The following MMUT variants were observed in gnomAD, a reference collection of about 807,000 sequenced individuals.
MMUT encodes the protein methylmalonyl-CoA mutase, mitochondrial.
MMUT carries 79 observed loss-of-function variants against 79.9 expected under a neutral mutation model. The ratio of observed to expected loss-of-function variants is 0.99; its 90% CI spans 0.82 to 1.19. The LOEUF (loss-of-function observed/expected upper bound fraction) is 1.19. Among genes scored for constraint, MMUT ranks in the 50% most tolerant of loss-of-function variants. The probability of loss-of-function intolerance (pLI) is 0.00; values close to 1 mark genes in which losing one functional copy is unlikely to be tolerated. For missense variants in MMUT, 860 were observed against 917.2 expected, an observed-to-expected ratio of 0.94 and a Z score of 0.81; for synonymous variants, 273 against 295.7, an observed-to-expected ratio of 0.92 and a Z score of 0.79.
intron 12 of MMUT, 43 bp from the exon 13 acceptor site, chr6:49,431,899 A>C (rs979290163): frequency 1.3e-6 from 2 of 1,591,742 alleles, no homozygotes; most frequent in Non-Finnish European, 1.7e-6. Flanking sequence ...CACTATTTCC[A>C]TTTTCACGGA....
At chr6:49,449,030 T>C in intron 6 of MMUT, 103 bp from the exon 7 acceptor site, 1 of 593,198 alleles carries the variant, frequency 1.7e-6, no homozygotes, top group African/African-American at 1.9e-5. Context: ...ATTAATAAAA[T>C]TATAAACTAA....
Position 49,451,563 on chromosome 6 carries a change from A to G in MMUT, c.1235T>C (p.Ile412Thr), listed in dbSNP as rs1767553561. 3 of 1,614,146 alleles carry G rather than the reference A, an allele frequency of 1.9e-6. No individual in the cohort carries two copies. In the East Asian group the frequency reaches 6.7e-5, roughly 36 times the overall value. ...ARIARNTQII[I>T]QEESGIPKVA... is the part of the protein sequence containing the mutation. The stretch of plus-strand genomic sequence containing the variant: ...TTTGGGAATCCCAGATTCTTCTTGA[A>G]TGATGATTTGTGTGTTCCTGGCAAT... Residue 412 changes from isoleucine to threonine, a missense_variant, in exon 6 of 13, where the codon ATT (isoleucine) becomes ACT (threonine). By Grantham distance (89) the Ile-to-Thr change is moderately conservative (BLOSUM62 -1). Transcript: ENST00000274813.
At chr6:49,449,580 A>C (rs2127417379) in intron 6 of MMUT, among the ~76,000 whole-genome samples, 1 of 152,316 alleles carries the variant, frequency 6.6e-6, no homozygotes, top group South Asian at 2.1e-4. Flanking sequence ...ACAGAAAATG[A>C]ACTCGAGACA....
rs764173488 is a variant in MMUT, at chr6:49,447,749, A to T, written c.1481T>A (p.Leu494Ter). The T allele has an allele frequency of 3.7e-6, 6 of 1,611,748 alleles. No individual in the cohort carries two copies. In the East Asian group the frequency reaches 1.3e-4, roughly 36 times the overall value. ...AACTTCTACAGCGTCTTCTTTTTCC[A>T]ACTGGTACTTATTTACTCCAACAAT... ...EVIVGVNKYQ[L>*]EKEDAVEVLA... The change falls in exon 8 of 13, where the codon TTG becomes TAG. Residue 494 changes from leucine to a stop codon, truncating the protein, a stop_gained. Transcript: ENST00000274813. LOFTEE classifies it high-confidence loss of function.
chr6:49,435,148 C>G (rs1270471247), intron 12 of MMUT, among the ~76,000 whole-genome samples: 4 of 152,242 alleles, frequency 2.6e-5, no homozygotes, highest in African/African-American at 9.6e-5. Flanking sequence ...TTACTTTTAT[C>G]CTGTTCCTTC....
intron 8 of MMUT, among the ~76,000 whole-genome samples, chr6:49,445,766 A>T (rs186620588): frequency 9.2e-5 from 14 of 152,118 alleles, no homozygotes; most frequent in African/African-American, 3.1e-4. Flanking sequence ...TCTTCAATTC[A>T]TTATTGGTTA....
intron 7 of MMUT, among the ~76,000 whole-genome samples, chr6:49,447,988 G>A (rs561697133): frequency 5.6e-4 from 85 of 152,040 alleles, no homozygotes; most frequent in Non-Finnish European, 8.7e-4. Context: ...TCTCTGTAAG[G>A]AAGGACTTTC....
chr6:49,459,495 T>G lies in MMUT; in HGVS notation c.-29A>C. The G allele has an allele frequency of 6.2e-7, 1 of 1,603,410 alleles. No individual in the cohort carries two copies. Among genetic ancestry groups the G allele is most frequent in the Non-Finnish European group, 8.5e-7 (1 of 1,179,518 alleles). On this transcript the variant is annotated 5_prime_UTR_variant, in exon 2 of 13. Coordinates refer to ENST00000274813, the MANE Select transcript of MMUT (RefSeq NM_000255.4). ...GGAGCATGGAAACACCCAATAGAAA[T>G]AAGAACTGACCTAGAAAAAGAAACA...
chr6:49,440,055 T>C (rs1767230941), intron 11 of MMUT, 151 bp downstream of exon 11: 5 of 1,032,706 alleles, frequency 4.8e-6, no homozygotes, highest in Non-Finnish European at 7.4e-6. Flanking sequence ...TGGGCAGGAA[T>C]GGAGAGAAAG....
At chr6:49,452,886 A>G (rs185456019) in intron 5 of MMUT, among the ~76,000 whole-genome samples, 1 of 152,242 alleles carries the variant, frequency 6.6e-6, no homozygotes, top group Non-Finnish European at 1.5e-5. Flanking sequence ...GCTTAAATAC[A>G]TAACTTTAAC....
chr6:49,442,265 T>C lies in MMUT; in HGVS notation c.1677-294A>G, dbSNP rs552974525. On this transcript the variant is annotated intron_variant, in intron 9 of 12. Coordinates refer to ENST00000274813, the MANE Select transcript of MMUT (RefSeq NM_000255.4). ...AAGTACCTGAAGGTTGCTGAATAAT[T>C]CACCACTTAACACAAATGGATAAAC... Among the ~76,000 whole-genome samples, 136 of 152,212 alleles carry C rather than the reference T, an allele frequency of 8.9e-4. 2 individuals are homozygous for C. Among genetic ancestry groups the C allele is most frequent in the Non-Finnish European group, 1.6e-3 (110 of 67,978 alleles).
intron 11 of MMUT, 41 bp downstream of exon 11, chr6:49,440,165 T>G (rs1269255309): frequency 6.2e-7 from 1 of 1,609,076 alleles, no homozygotes. Flanking sequence ...TGTAAGTGAC[T>G]AGTAAATACT....
intron 11 of MMUT, among the ~76,000 whole-genome samples, chr6:49,439,732 G>A (rs1479939723): frequency 6.6e-6 from 1 of 152,050 alleles, no homozygotes; most frequent in East Asian, 1.9e-4. Flanking sequence ...ATCTCAACAG[G>A]TCCCACACCA....
rs377536191 is a variant in MMUT at position 49,438,363 on chromosome 6, A to G, written c.1956+1843T>C. ...AAAAAGACAACAAAAATAAACGAAA[A>G]TAACCTTACTTATGAATTGAGTTTA... is the stretch of plus-strand genomic sequence containing the variant. On this transcript the variant is annotated intron_variant, in intron 11 of 12. Coordinates refer to ENST00000274813, the MANE Select transcript of MMUT (RefSeq NM_000255.4). 3.5e-4 allele frequency among the ~76,000 whole-genome samples: 54 copies of G among 152,298 alleles called. 2 individuals are homozygous for G. The South Asian group carries it at 0.011, about 32-fold the overall frequency.
At chr6:49,449,497 AAAG>A (rs71773198) in intron 6 of MMUT, among the ~76,000 whole-genome samples, 32,523 of 151,976 alleles carry the variant, frequency 0.21, 3,663 homozygotes, top group South Asian at 0.28. Flanking sequence ...GAGAAGCTAA[AAAG>A]AAGAAGACAA....
At position 49,453,756 on chromosome 6, in the gene MMUT, C is replaced by T. The variant is rs201311681; in HGVS notation, c.912G>A (p.Arg304=). 38 of 1,610,732 alleles carry T rather than the reference C, an allele frequency of 2.4e-5. No individual in the cohort carries two copies. The highest frequency in any genetic ancestry group is 6.7e-5 in the East Asian group (3 of 44,660). ...AGLTIDEFAP[R]LSFFWGIGMN... Reference sequence around the variant, plus strand: ...TTCCAATTCCCCAGAAGAAAGACAACCTAAAATAGTAACGTTAGGTCCAGA... The same window carrying T: ...TTCCAATTCCCCAGAAGAAAGACAATCTAAAATAGTAACGTTAGGTCCAGA... Residue 304 remains arginine (R), a splice_region_variant and synonymous_variant, in exon 5 of 13, where the codon AGG becomes AGA. Transcript: ENST00000274813.
chr6:49,451,417 T>C, intron 6 of MMUT, 49 bp downstream of exon 6: 1 of 1,592,472 alleles, frequency 6.3e-7, no homozygotes, highest in Non-Finnish European at 8.6e-7. Flanking sequence ...TATAAATCTT[T>C]ACAAATCTGT....
intron 12 of MMUT, among the ~76,000 whole-genome samples, chr6:49,433,685 CA>C (rs1767047994): frequency 6.6e-6 from 1 of 152,110 alleles, no homozygotes. Flanking sequence ...TTCATTTAAT[CA>C]GACTGCAGAA....
intron 7 of MMUT, among the ~76,000 whole-genome samples, chr6:49,448,603 A>C (rs1767468379): frequency 6.6e-6 from 1 of 152,160 alleles, no homozygotes; most frequent in Non-Finnish European, 1.5e-5. Context: ...TACAATGGTT[A>C]GACATCCACA....
Sources: allele counts gnomAD v4.1 joint callset (sites outside exome capture counted in the v4.1 genomes callset), GRCh38; gene constraint gnomAD v4.1.1; transcripts MANE v1.5; gene names NCBI Gene and HGNC (gene_info 2026-07-23, HGNC 2026-07-21).